CIMAP1B: variants seen among roughly 807,000 people sequenced by gnomAD.
CIMAP1B encodes ciliary microtubule associated protein 1B.
At chr22:50,531,233 CA>C in the CIMAP1B span, 2 of 1,612,516 alleles carry the variant, frequency 1.2e-6, no homozygotes, top group East Asian at 2.2e-5. Flanking sequence ...TTTCGGGGAG[CA>C]ATGGTGTGCC....
At chr22:50,530,909 C>T in the CIMAP1B span, 2 of 1,609,310 alleles carry the variant, frequency 1.2e-6, no homozygotes, top group Non-Finnish European at 1.7e-6. Context: ...CCAGGGACCC[C>T]CTGCGTCCGC....
the CIMAP1B span, chr22:50,531,972 T>C: frequency 4.5e-6 from 6 of 1,338,508 alleles, no homozygotes; most frequent in African/African-American, 9.2e-5. Flanking sequence ...CTTCTACCGG[T>C]GTTGGGCGGC....
At chr22:50,531,316 G>T in the CIMAP1B span, 2 of 1,585,206 alleles carry the variant, frequency 1.3e-6, no homozygotes, top group Non-Finnish European at 1.7e-6. Flanking sequence ...GATCAAGGGT[G>T]TGGGGGGCTA....
chr22:50,531,675 G>A, the CIMAP1B span: 1 of 1,370,844 alleles, frequency 7.3e-7, no homozygotes, highest in Non-Finnish European at 9.4e-7. Flanking sequence ...GGCACCAGGT[G>A]GCCTGGCCCG....
the CIMAP1B span, chr22:50,532,302 C>T: frequency 4.3e-3 from 2,242 of 518,516 alleles, 14 homozygotes; most frequent in Middle Eastern, 0.017. Context: ...GGCCATCACC[C>T]GGACTCCAGG....
At chr22:50,530,876 G>T in the CIMAP1B span, 4 of 1,606,204 alleles carry the variant, frequency 2.5e-6, no homozygotes, top group African/African-American at 1.3e-5. Flanking sequence ...GAGGGTGCTG[G>T]CTGCCGCCTC....
the CIMAP1B span, chr22:50,531,886 C>T: frequency 7.6e-7 from 1 of 1,324,130 alleles, no homozygotes; most frequent in East Asian, 3.1e-5. Context: ...GGTTCAGCCC[C>T]GAGCGCAGGC....
the CIMAP1B span, chr22:50,531,627 C>T: frequency 7.2e-7 from 1 of 1,386,936 alleles, no homozygotes; most frequent in Non-Finnish European, 9.3e-7. Context: ...ATGGAGTAGG[C>T]GGGGGCGCCG....
chr22:50,532,087 G>A, the CIMAP1B span: 9,362 of 1,364,838 alleles, frequency 6.9e-3, 539 homozygotes, highest in African/African-American at 0.13. Context: ...TAGCGCGGGT[G>A]GGGGGCGCTT....
At chr22:50,532,221 C>A in the CIMAP1B span, 1 of 1,139,992 alleles carries the variant, frequency 8.8e-7, no homozygotes, top group Non-Finnish European at 1.1e-6. Flanking sequence ...GGACCGTATC[C>A]CTGGCGCCAG....
the CIMAP1B span, chr22:50,531,718 C>T: frequency 1.5e-6 from 2 of 1,366,372 alleles, no homozygotes; most frequent in African/African-American, 3.1e-5. Context: ...TGGGGAAGCG[C>T]GCGCCGAAGG....
At chr22:50,531,326 A>G in the CIMAP1B span, 4 of 1,543,148 alleles carry the variant, frequency 2.6e-6, no homozygotes, top group African/African-American at 2.8e-5. Context: ...GTGGGGGGCT[A>G]GAACTGCGTG....
At chr22:50,531,506 T>C in the CIMAP1B span, 6 of 1,351,404 alleles carry the variant, frequency 4.4e-6, no homozygotes, top group East Asian at 1.7e-4. Context: ...GGTCGGGGGT[T>C]CCCAGGTGGG....
At chr22:50,530,837 C>A in the CIMAP1B span, 1 of 1,603,714 alleles carries the variant, frequency 6.2e-7, no homozygotes, top group Non-Finnish European at 8.5e-7. Context: ...ACCTGATAGG[C>A]GCAGGGGCCC....
At chr22:50,531,484 A>G in the CIMAP1B span, 3 of 1,166,436 alleles carry the variant, frequency 2.6e-6, no homozygotes, top group South Asian at 1.8e-5. Context: ...TCCGAGGGGG[A>G]CTCGGGGTTC....
chr22:50,532,464 G>A, the CIMAP1B span: 1 of 182,614 alleles, frequency 5.5e-6, no homozygotes, highest in African/African-American at 2.3e-5. Context: ...CCGGTGCCCC[G>A]AGGTGCACTG....
chr22:50,531,186 C>T, the CIMAP1B span: 3 of 1,611,612 alleles, frequency 1.9e-6, no homozygotes, highest in Middle Eastern at 3.3e-4. Context: ...CCGTTCTGAC[C>T]TCACCTGGGC....
At chr22:50,530,995 G>T in the CIMAP1B span, 2 of 1,611,234 alleles carry the variant, frequency 1.2e-6, no homozygotes, top group Non-Finnish European at 1.7e-6. Flanking sequence ...GGAGCAAGTT[G>T]GGGCGGAGAC....
chr22:50,532,060 C>G, the CIMAP1B span: 1 of 1,349,656 alleles, frequency 7.4e-7, no homozygotes, highest in Non-Finnish European at 9.6e-7. Flanking sequence ...AAAGGCCCAC[C>G]CAGGCGTCCG....
Sources: allele counts gnomAD v4.1 joint callset, GRCh38; gene constraint gnomAD v4.1.1; transcripts MANE v1.5; gene names NCBI Gene and HGNC (gene_info 2026-07-23, HGNC 2026-07-21).